CNTN4: variants seen among roughly 807,000 people sequenced by gnomAD.
CNTN4 encodes the protein contactin 4.
A neutral mutation model predicts 122.5 loss-of-function variants in CNTN4; 77 were observed. The observed-to-expected ratio is 0.63, with a 90% CI of 0.52 to 0.76. The LOEUF (loss-of-function observed/expected upper bound fraction) is 0.76, where lower values mean the gene tolerates loss of function less well. Ranked by LOEUF, CNTN4 falls within the 30% of genes least tolerant of loss-of-function variation. The pLI, the probability that CNTN4 is intolerant of heterozygous loss-of-function variation, is 0.00. For synonymous variants in CNTN4, 512 were observed against 447.0 expected (o/e 1.15, Z -1.83); for missense variants, 1,256 against 1,259.1 (o/e 1.00, Z 0.04).
intron 3 of CNTN4, among the ~76,000 whole-genome samples, chr3:2,387,802 T>C (rs936052568): frequency 6.6e-6 from 1 of 152,192 alleles, no homozygotes; most frequent in Non-Finnish European, 1.5e-5. Flanking sequence ...TTTCTTATGT[T>C]CCACCCATTA....
intron 5 of CNTN4, among the ~76,000 whole-genome samples, chr3:2,740,409 G>T (rs754859780): frequency 2.0e-5 from 3 of 151,946 alleles, no homozygotes; most frequent in Non-Finnish European, 2.9e-5. Context: ...CATATTTTTG[G>T]GTGGCATGCT....
chr3:2,664,377 T>C (rs2150318007), intron 4 of CNTN4, among the ~76,000 whole-genome samples: 1 of 152,224 alleles, frequency 6.6e-6, no homozygotes, highest in South Asian at 2.1e-4. Context: ...TATTTGCAGA[T>C]GGTCACATTC....
intron 3 of CNTN4, among the ~76,000 whole-genome samples, chr3:2,367,745 A>G (rs1189918998): frequency 6.6e-6 from 1 of 152,164 alleles, no homozygotes; most frequent in Non-Finnish European, 1.5e-5. Context: ...TGGGCCTCCC[A>G]AAGTGCTGGG....
rs549648203 is a variant in CNTN4, at chr3:2,593,090, G to A, written c.55+21532G>A. 6.6e-5 allele frequency among the ~76,000 whole-genome samples: 10 copies of A among 152,192 alleles called. No individual in the cohort carries two copies. The South Asian group carries it at 2.1e-3, about 32-fold the overall frequency. On this transcript the variant is annotated intron_variant, in intron 4 of 24. Coordinates refer to ENST00000418658, the MANE Select transcript of CNTN4 (RefSeq NM_175607.3). ...TCAGCTCTCCCTGAACTCACATGTT[G>A]GATTTTCCCAACTAATTTTAATACA... is the stretch of plus-strand genomic sequence containing the variant.
At chr3:2,184,707 C>T (rs569535259) in intron 2 of CNTN4, among the ~76,000 whole-genome samples, 24 of 152,232 alleles carry the variant, frequency 1.6e-4, no homozygotes, top group African/African-American at 5.8e-4. Context: ...AGGACACAAC[C>T]TCATCCCCTC....
At position 2,571,424 on chromosome 3, in the gene CNTN4, T is replaced by C; in HGVS notation, c.-80T>C. ...TCTCTTCTTTCCCACAGATTAAAGG[T>C]TATACAAAACTTAAAAGAAGCAGCA... On this transcript the variant is annotated 5_prime_UTR_variant, in exon 4 of 25. Transcript: ENST00000418658. 1 of 966,188 alleles carries C rather than the reference T, an allele frequency of 1.0e-6. No homozygotes were observed. The highest frequency in any genetic ancestry group is 1.7e-6 in the Non-Finnish European group (1 of 590,060). The allele number at this position is 966,188 out of a possible 1,614,324, so 59.9% of individuals were successfully genotyped here. A position where few individuals can be genotyped will look rare whatever the true frequency, so the allele number is the denominator to read the frequency against.
chr3:2,142,765 GAGA>G (rs1183686221), intron 2 of CNTN4, among the ~76,000 whole-genome samples: 1 of 152,228 alleles, frequency 6.6e-6, no homozygotes, highest in Non-Finnish European at 1.5e-5. Context: ...GCTGGAGGAG[GAGA>G]AGAAAGAAGC....
At chr3:2,750,612 A>G (rs1016663045) in intron 6 of CNTN4, among the ~76,000 whole-genome samples, 8 of 152,134 alleles carry the variant, frequency 5.3e-5, no homozygotes, top group South Asian at 2.1e-4. Context: ...TGTAATTGGG[A>G]GCACATTTTG....
At chr3:2,963,700 A>G (rs1262032796) in intron 13 of CNTN4, among the ~76,000 whole-genome samples, 1 of 152,230 alleles carries the variant, frequency 6.6e-6, no homozygotes, top group Admixed American at 6.5e-5. Context: ...GTCCATTTCT[A>G]TCATAAGACT....
rs143538145 is a variant in CNTN4, at chr3:2,747,270, G to T, written c.358+1573G>T. 6.0e-3 allele frequency among the ~76,000 whole-genome samples: 894 copies of T among 149,018 alleles called. 9 individuals carry two copies. Among genetic ancestry groups the T allele is most frequent in the African/African-American group, 0.021 (830 of 39,252 alleles). The stretch of plus-strand genomic sequence containing the variant: ...TAAAAATACAAAAAATTAGCCGGGC[G>T]CAGTGGCAGGTGCCTGTAGTCCCAG... On this transcript the variant is annotated intron_variant, in intron 6 of 24. Coordinates refer to ENST00000418658, the MANE Select transcript of CNTN4 (RefSeq NM_175607.3).
chr3:2,995,228 T>G (rs1478517002), intron 14 of CNTN4, among the ~76,000 whole-genome samples: 2 of 152,010 alleles, frequency 1.3e-5, no homozygotes, highest in African/African-American at 4.8e-5. Flanking sequence ...ATTGTGCATC[T>G]TGTTCTTCCT....
chr3:2,364,979 C>T (rs924528151), intron 3 of CNTN4, among the ~76,000 whole-genome samples: 11 of 151,964 alleles, frequency 7.2e-5, no homozygotes, highest in African/African-American at 2.4e-4. Flanking sequence ...TTTATTTATC[C>T]GTTGGGGATA....
intron 2 of CNTN4, among the ~76,000 whole-genome samples, chr3:2,274,522 T>TG (rs2041425581): frequency 1.3e-5 from 2 of 151,764 alleles, no homozygotes; most frequent in South Asian, 4.2e-4. Context: ...TTATTTGCTT[T>TG]TTTTTTCCTC....
chr3:2,106,038 C>T (rs555180478), intron 2 of CNTN4, among the ~76,000 whole-genome samples: 63 of 152,302 alleles, frequency 4.1e-4, no homozygotes, highest in African/African-American at 7.2e-4. Context: ...CTTAAAGCTC[C>T]GAAATCATCT....
chr3:2,941,949 C>T (rs1328584427), intron 13 of CNTN4, among the ~76,000 whole-genome samples: 1 of 152,196 alleles, frequency 6.6e-6, no homozygotes, highest in Non-Finnish European at 1.5e-5. Flanking sequence ...CTCACTATAA[C>T]ACCAGTGCCT....
At chr3:2,183,211 A>C (rs2037097938) in intron 2 of CNTN4, among the ~76,000 whole-genome samples, 1 of 152,052 alleles carries the variant, frequency 6.6e-6, no homozygotes, top group South Asian at 2.1e-4. Context: ...ACATGATATG[A>C]CAGCCGTGAT....
At chr3:3,017,712 T>TA (rs1490951064) in intron 14 of CNTN4, among the ~76,000 whole-genome samples, 6 of 152,184 alleles carry the variant, frequency 3.9e-5, no homozygotes, top group Non-Finnish European at 8.8e-5. Context: ...CATAACCTGA[T>TA]ACAGGCCTTT....
chr3:2,897,324 A>G (rs2094126085), intron 10 of CNTN4, among the ~76,000 whole-genome samples: 2 of 152,194 alleles, frequency 1.3e-5, no homozygotes, highest in South Asian at 4.1e-4. Flanking sequence ...AAGGAGTCCT[A>G]GAAGAATTCT....
intron 3 of CNTN4, among the ~76,000 whole-genome samples, chr3:2,384,624 C>A (rs1432134683): frequency 6.6e-6 from 1 of 152,098 alleles, no homozygotes; most frequent in South Asian, 2.1e-4. Context: ...AAATTACTCC[C>A]TTTGTGGAAA....
Sources: gnomAD v4.1 joint callset for allele counts (sites outside exome capture counted in the v4.1 genomes callset) on GRCh38, gnomAD v4.1.1 for gene constraint, MANE v1.5 for transcripts, NCBI Gene and HGNC (gene_info 2026-07-23, HGNC 2026-07-21) for gene names.